Variants in LRP1B observed in about 807,000 individuals in gnomAD.
LRP1B encodes LDL receptor related protein 1B.
LRP1B carries 217 observed loss-of-function variants against 556.6 expected under a neutral mutation model. That is an observed-to-expected ratio of 0.39 (90% CI 0.35 to 0.44). The LOEUF is 0.44. Ranked by LOEUF, LRP1B falls within the 20% of genes least tolerant of loss-of-function variation. LRP1B has a pLI of 1.00. For missense variants in LRP1B, 5,053 were observed against 5,620.8 expected, an observed-to-expected ratio of 0.90 and a Z score of 3.23; for synonymous variants, 2,047 against 1,865.8, an observed-to-expected ratio of 1.10 and a Z score of -2.50.
intron 71 of LRP1B, among the ~76,000 whole-genome samples, chr2:140,366,538 G>C (rs1573851989): frequency 6.6e-6 from 1 of 151,654 alleles, no homozygotes; most frequent in South Asian, 2.1e-4. Flanking sequence ...AAGTTTAAAA[G>C]AGAACACAGA....
intron 7 of LRP1B, among the ~76,000 whole-genome samples, chr2:141,065,139 A>G (rs1699444548): frequency 6.6e-6 from 1 of 151,924 alleles, no homozygotes; most frequent in Non-Finnish European, 1.5e-5. Flanking sequence ...AGAATAGTAG[A>G]ATGGATGCCT....
At chr2:141,012,249 AT>A (rs1697775490) in intron 14 of LRP1B, among the ~76,000 whole-genome samples, 1 of 152,032 alleles carries the variant, frequency 6.6e-6, no homozygotes, top group African/African-American at 2.4e-5. Context: ...GGCAACAGAA[AT>A]TCAGCAATAA....
At position 141,346,240 on chromosome 2, in the gene LRP1B, T is replaced by C. The variant is rs1201874603; in HGVS notation, c.344-91599A>G. 2.0e-5 allele frequency among the ~76,000 whole-genome samples: 3 copies of C among 152,136 alleles called. No homozygotes were observed. In the East Asian group the frequency reaches 5.8e-4, roughly 29 times the overall value. The stretch of plus-strand genomic sequence containing the variant: ...TAGTGATTTTGCTTATATTTAAGAG[T>C]GAGAAACAAATTTTGTTTCAAAACA... On this transcript the variant is annotated intron_variant, in intron 3 of 90. Coordinates refer to ENST00000389484, the MANE Select transcript of LRP1B (RefSeq NM_018557.3).
chr2:141,913,520 G>A (rs371477602), intron 1 of LRP1B, among the ~76,000 whole-genome samples: 2 of 152,262 alleles, frequency 1.3e-5, no homozygotes, highest in East Asian at 1.9e-4. Context: ...CCATGACAGA[G>A]AACAGACAAC....
rs571235429 is a variant in LRP1B, at chr2:140,232,364, A to G, written c.*822T>C. ...GGGAAGAAATACCTAAGATGCAAGT[A>G]CCCAATGCCCTGTTGTGCTCTAGGC... On this transcript the variant is annotated 3_prime_UTR_variant, in exon 91 of 91. Coordinates refer to ENST00000389484, the MANE Select transcript of LRP1B (RefSeq NM_018557.3). The G allele has an allele frequency of 4.6e-5, 7 of 151,552 alleles. No individual in the cohort carries two copies. The highest frequency in any genetic ancestry group is 1.7e-4 in the African/African-American group (7 of 41,426). The allele number at this position is 151,552 out of a possible 1,614,324, so 9.4% of individuals were successfully genotyped here.
intron 43 of LRP1B, among the ~76,000 whole-genome samples, chr2:140,547,396 C>T (rs773289554): frequency 6.6e-6 from 1 of 151,982 alleles, no homozygotes; most frequent in Non-Finnish European, 1.5e-5. Flanking sequence ...GTATATGTGT[C>T]CAGGAATTAA....
At chr2:141,473,909 A>G (rs889591003) in intron 3 of LRP1B, among the ~76,000 whole-genome samples, 2 of 151,504 alleles carry the variant, frequency 1.3e-5, no homozygotes, top group Admixed American at 6.6e-5. Context: ...TGAAATTTTT[A>G]AAATGAGGCT....
At chr2:141,726,664 A>C (rs16846976) in intron 2 of LRP1B, among the ~76,000 whole-genome samples, 3,650 of 152,196 alleles carry the variant, frequency 0.024, 166 homozygotes, top group African/African-American at 0.083. Context: ...ACTGGAATCA[A>C]AAGCAATAAA....
chr2:140,900,082 G>GA (rs1424353649), intron 23 of LRP1B, among the ~76,000 whole-genome samples: 7 of 152,180 alleles, frequency 4.6e-5, no homozygotes, highest in Non-Finnish European at 8.8e-5. Flanking sequence ...TTATGGGGAG[G>GA]AAAGGGAACA....
At chr2:141,900,240 A>T (rs1699577836) in intron 1 of LRP1B, among the ~76,000 whole-genome samples, 1 of 152,134 alleles carries the variant, frequency 6.6e-6, no homozygotes, top group South Asian at 2.1e-4. Context: ...AAATAAAATT[A>T]ATTTGAAACA....
At chr2:140,679,994 A>G (rs970223196) in intron 41 of LRP1B, among the ~76,000 whole-genome samples, 5 of 151,644 alleles carry the variant, frequency 3.3e-5, no homozygotes, top group African/African-American at 1.2e-4. Flanking sequence ...AGCTATCGTT[A>G]GTGTTAGTAA....
At chr2:141,913,894 G>A (rs58451642) in intron 1 of LRP1B, among the ~76,000 whole-genome samples, 10 of 152,038 alleles carry the variant, frequency 6.6e-5, no homozygotes, top group Non-Finnish European at 1.2e-4. Flanking sequence ...CTACAGGCAC[G>A]TACCACCACA....
At chr2:141,463,536 A>G (rs1401776536) in intron 3 of LRP1B, among the ~76,000 whole-genome samples, 1 of 47,174 alleles carries the variant, frequency 2.1e-5, no homozygotes, top group Non-Finnish European at 5.1e-5. Context: ...ATAAAATTAT[A>G]TATTATATAT....
intron 5 of LRP1B, among the ~76,000 whole-genome samples, chr2:141,244,287 A>G (rs1683990889): frequency 6.6e-6 from 1 of 152,110 alleles, no homozygotes; most frequent in East Asian, 1.9e-4. Flanking sequence ...TTTTTATAGT[A>G]TCCTTTCTTT....
At chr2:140,312,354 T>C (rs919534454) in intron 83 of LRP1B, among the ~76,000 whole-genome samples, 7 of 151,890 alleles carry the variant, frequency 4.6e-5, no homozygotes, top group Non-Finnish European at 1.0e-4. Context: ...CTAGTTCCAT[T>C]CCTCTAAATC....
At chr2:140,456,257 T>C (rs1200183638) in intron 62 of LRP1B, among the ~76,000 whole-genome samples, 198 bp downstream of exon 62, 2 of 152,174 alleles carry the variant, frequency 1.3e-5, no homozygotes, top group Non-Finnish European at 2.9e-5. Context: ...CTCTCTTTTT[T>C]TGTTTGTTTG....
chr2:141,955,529 C>T (rs987733933), intron 1 of LRP1B, among the ~76,000 whole-genome samples: 4 of 151,984 alleles, frequency 2.6e-5, no homozygotes, highest in Non-Finnish European at 5.9e-5. Context: ...CAATTTTTCT[C>T]TTGTCACAAC....
intron 68 of LRP1B, among the ~76,000 whole-genome samples, chr2:140,377,508 A>G (rs1182505553): frequency 6.6e-6 from 1 of 152,202 alleles, no homozygotes; most frequent in African/African-American, 2.4e-5. Flanking sequence ...AGAAAAATAT[A>G]TATAATCATG....
chr2:140,541,729 A>C lies in LRP1B; in HGVS notation c.7387+50T>G, dbSNP rs16844217. 4,490 of 1,367,636 alleles carry C rather than the reference A, an allele frequency of 3.3e-3. 128 individuals are homozygous for C. In the African/African-American group the frequency reaches 0.058, roughly 18 times the overall value. The allele number at this position is 1,367,636 out of a possible 1,614,324, so 84.7% of individuals were successfully genotyped here. ...AGAAAACATATATACATTTTTAGAG[A>C]TCAGAGATTATACAATGAAAAAACA... On this transcript the variant is annotated intron_variant, in intron 44 of 90. Transcript: ENST00000389484.
Sources: allele counts gnomAD v4.1 joint callset (sites outside exome capture counted in the v4.1 genomes callset), GRCh38; gene constraint gnomAD v4.1.1; transcripts MANE v1.5; gene names NCBI Gene and HGNC (gene_info 2026-07-23, HGNC 2026-07-21).